Variants in EFCAB8 observed in about 807,000 individuals in gnomAD.
EFCAB8 encodes the protein EF-hand calcium-binding domain-containing protein 8.
EFCAB8 carries 100 observed loss-of-function variants against 116.3 expected under a neutral mutation model. The ratio of observed to expected loss-of-function variants is 0.86; its 90% confidence interval spans 0.73 to 1.02. The LOEUF (loss-of-function observed/expected upper bound fraction) is 1.02, where lower values mean the gene tolerates loss of function less well. Among genes scored for constraint, EFCAB8 ranks in the 50% least tolerant of loss-of-function variants. The pLI, the probability that EFCAB8 is intolerant of heterozygous loss-of-function variation, is 0.00. For missense variants in EFCAB8, 1,320 were observed against 1,416.9 expected (o/e 0.93, Z 1.10); for synonymous variants, 558 against 567.9 (o/e 0.98, Z 0.25).
intron 23 of EFCAB8, among the ~76,000 whole-genome samples, chr20:32,946,563 G>A (rs977434133): frequency 3.9e-5 from 6 of 151,960 alleles, no homozygotes; most frequent in African/African-American, 1.5e-4. Flanking sequence ...CCATTTTTTT[G>A]TATCTTTCAA....
At chr20:32,899,906 G>A (rs1986347936) in intron 11 of EFCAB8, among the ~76,000 whole-genome samples, 2 of 152,122 alleles carry the variant, frequency 1.3e-5, no homozygotes, top group African/African-American at 4.8e-5. Flanking sequence ...GGCTTCTACT[G>A]TGCCGTTTAC....
intron 7 of EFCAB8, among the ~76,000 whole-genome samples, chr20:32,891,001 A>G (rs1379970957): frequency 7.2e-5 from 11 of 152,152 alleles, no homozygotes; most frequent in Admixed American, 7.2e-4. Flanking sequence ...TCTATCTGTG[A>G]CCCGCCTGGG....
At chr20:32,948,506 G>A (rs535938324) in intron 23 of EFCAB8, among the ~76,000 whole-genome samples, 139 of 106,614 alleles carry the variant, frequency 1.3e-3, no homozygotes, top group Non-Finnish European at 1.4e-3. Flanking sequence ...TGACAAAGAC[G>A]TTATAAGAAG....
At chr20:32,949,505 T>C (rs534319035) in intron 23 of EFCAB8, among the ~76,000 whole-genome samples, 2 of 152,296 alleles carry the variant, frequency 1.3e-5, no homozygotes, top group Admixed American at 6.5e-5. Flanking sequence ...AGACTTATTG[T>C]GAAGCCATGG....
At chr20:32,955,679 TC>T (rs1398501805) in intron 23 of EFCAB8, among the ~76,000 whole-genome samples, 1 of 152,160 alleles carries the variant, frequency 6.6e-6, no homozygotes, top group Non-Finnish European at 1.5e-5. Context: ...CTGGGAGCCT[TC>T]CCCACCTCCA....
intron 11 of EFCAB8, among the ~76,000 whole-genome samples, chr20:32,905,311 G>C (rs925238308): frequency 8.5e-5 from 13 of 152,188 alleles, no homozygotes; most frequent in Non-Finnish European, 1.5e-4. Flanking sequence ...TGACATGGGA[G>C]CCTTCAGAAA....
Position 32,917,363 on chromosome 20 carries a change from T to C in EFCAB8, c.1919T>C (p.Ile640Thr). The stretch of plus-strand genomic sequence containing the variant: ...TGGCAGACCTACCACACGGAGGACA[T>C]CCTGAGCATGGCCAAGTACCGGAAC... Reference protein sequence around the residue: ...YHWQTYHTEDILSMAKYRNQF... With the variant: ...YHWQTYHTEDTLSMAKYRNQF... The change falls in exon 18 of 27, where the codon ATC (isoleucine) becomes ACC (threonine). Residue 640 changes from isoleucine to threonine, a missense_variant. By Grantham distance (89) the Ile-to-Thr change is moderately conservative (BLOSUM62 -1). Transcript: ENST00000400522. The C allele has an allele frequency of 1.3e-6, 2 of 1,551,762 alleles. No homozygotes were observed. Among genetic ancestry groups the C allele is most frequent in the South Asian group, 2.4e-5 (2 of 84,058 alleles).
intron 22 of EFCAB8, among the ~76,000 whole-genome samples, chr20:32,935,041 T>C (rs1988048965): frequency 2.6e-5 from 4 of 152,094 alleles, no homozygotes; most frequent in Admixed American, 1.3e-4. Context: ...GATATCTCAT[T>C]GTGGTTTAAT....
At chr20:32,900,008 CTTGAGCCTTTGG>C (rs987339561) in intron 11 of EFCAB8, among the ~76,000 whole-genome samples, 1 of 152,114 alleles carries the variant, frequency 6.6e-6, no homozygotes, top group Non-Finnish European at 1.5e-5. Context: ...TAGTCTTTAC[CTTGAGCCTTTGG>C]GGCTCTGACA....
intron 3 of EFCAB8, among the ~76,000 whole-genome samples, chr20:32,873,421 G>A (rs1360801955): frequency 6.6e-6 from 1 of 151,620 alleles, no homozygotes; most frequent in African/African-American, 2.4e-5. Context: ...AAAAAAAGTT[G>A]TAGACAGGGG....
intron 5 of EFCAB8, among the ~76,000 whole-genome samples, chr20:32,881,524 C>G (rs1051763571): frequency 2.0e-5 from 3 of 152,158 alleles, no homozygotes; most frequent in Admixed American, 1.3e-4. Context: ...AGAACTCCTT[C>G]GAGTTGTTGG....
At chr20:32,932,714 T>A (rs1229983008) in intron 22 of EFCAB8, among the ~76,000 whole-genome samples, 2 of 152,186 alleles carry the variant, frequency 1.3e-5, no homozygotes, top group Non-Finnish European at 2.9e-5. Flanking sequence ...TAAGGTAAAT[T>A]TGTCTTTAAA....
chr20:32,895,642 G>C (rs1986123630), intron 9 of EFCAB8, among the ~76,000 whole-genome samples: 1 of 149,888 alleles, frequency 6.7e-6, no homozygotes, highest in African/African-American at 2.5e-5. Context: ...TGCGATCTTG[G>C]CTCACTGCCA....
intron 23 of EFCAB8, among the ~76,000 whole-genome samples, chr20:32,945,045 A>G (rs1988542562): frequency 6.6e-6 from 1 of 151,882 alleles, no homozygotes; most frequent in South Asian, 2.1e-4. Flanking sequence ...CTGACTGGAT[A>G]TCTTCAAGTC....
rs80346332 is a variant in EFCAB8, at chr20:32,942,894, C to T, written c.2791-742C>T. On this transcript the variant is annotated intron_variant, in intron 22 of 26. Coordinates refer to ENST00000400522, the MANE Select transcript of EFCAB8 (RefSeq NM_001143967.2). ...TTTATTGAGTCATGTTTTCTGTTACCACTCTTACTATATACCAGTTTTACA... is the reference window on the plus strand; with the variant it reads ...TTTATTGAGTCATGTTTTCTGTTACTACTCTTACTATATACCAGTTTTACA... Among the ~76,000 whole-genome samples the T allele has an allele frequency of 5.9e-3, 895 of 152,192 alleles. 33 individuals carry two copies. The highest frequency in any genetic ancestry group is 0.042 in the East Asian group (216 of 5,176).
intron 22 of EFCAB8, among the ~76,000 whole-genome samples, chr20:32,934,007 C>G (rs1295332304): frequency 1.6e-5 from 2 of 125,526 alleles, no homozygotes; most frequent in African/African-American, 3.2e-5. Context: ...CAAAGCAAAT[C>G]AAAAACTTTT....
At chr20:32,903,620 G>C (rs904255279) in intron 11 of EFCAB8, 1 of 152,252 alleles carries the variant, frequency 6.6e-6, no homozygotes, top group Non-Finnish European at 1.5e-5. Flanking sequence ...GCACATATAC[G>C]TGTGGAGGGA....
chr20:32,925,754 AG>A, intron 20 of EFCAB8, among the ~76,000 whole-genome samples: 1 of 152,252 alleles, frequency 6.6e-6, no homozygotes, highest in East Asian at 1.9e-4. Context: ...CATGAAGTTT[AG>A]CCCGTGAGTA....
chr20:32,930,865 C>T (rs1166809666), intron 21 of EFCAB8, among the ~76,000 whole-genome samples: 1 of 152,200 alleles, frequency 6.6e-6, no homozygotes, highest in African/African-American at 2.4e-5. Context: ...CTCCAACTCC[C>T]TCATCCCGAA....
Sources: gnomAD v4.1 joint callset for allele counts (sites outside exome capture counted in the v4.1 genomes callset) on GRCh38, gnomAD v4.1.1 for gene constraint, MANE v1.5 for transcripts, NCBI Gene and HGNC (gene_info 2026-07-23, HGNC 2026-07-21) for gene names.